The following WWOX variants were observed in gnomAD, a reference collection of about 807,000 sequenced individuals.
WWOX encodes the protein WW domain containing oxidoreductase.
A neutral mutation model predicts 46.2 loss-of-function variants in WWOX; 69 were observed. That is an observed-to-expected ratio of 1.49 (90% confidence interval 1.23 to 1.82). The LOEUF is 1.82. Among genes scored for constraint, WWOX ranks in the 40% most tolerant of loss-of-function variants. WWOX has a pLI of 0.00. For missense variants in WWOX, 919 were observed against 542.6 expected, an observed-to-expected ratio of 1.69 and a Z score of -6.89; for synonymous variants, 359 against 202.6, an observed-to-expected ratio of 1.77 and a Z score of -6.56.
At chr16:78,547,115 G>T (rs769260907) in intron 8 of WWOX, among the ~76,000 whole-genome samples, 2 of 114,342 alleles carry the variant, frequency 1.7e-5, no homozygotes, top group Non-Finnish European at 3.3e-5. Context: ...GAGAGTGTGA[G>T]ACCTTGTCTC....
At chr16:78,472,990 C>T (rs950291640) in intron 8 of WWOX, among the ~76,000 whole-genome samples, 4 of 151,970 alleles carry the variant, frequency 2.6e-5, no homozygotes, top group East Asian at 3.9e-4. Flanking sequence ...GTTTTTGTGC[C>T]GCCTGCAGGA....
chr16:78,503,253 G>C (rs1316835134), intron 8 of WWOX, among the ~76,000 whole-genome samples: 1 of 152,038 alleles, frequency 6.6e-6, no homozygotes. Context: ...CCATCCGCTG[G>C]TAAAATCTGG....
intron 8 of WWOX, among the ~76,000 whole-genome samples, chr16:78,610,791 G>C (rs1330544771): frequency 1.3e-5 from 2 of 152,086 alleles, no homozygotes; most frequent in Admixed American, 1.3e-4. Flanking sequence ...TGGAGGTTTG[G>C]AATGCAGCAA....
intron 8 of WWOX, among the ~76,000 whole-genome samples, chr16:78,854,375 G>C (rs1364333919): frequency 1.3e-5 from 2 of 152,182 alleles, no homozygotes; most frequent in African/African-American, 2.4e-5. Context: ...AGCACCAAAT[G>C]TTTGAAATTA....
chr16:78,367,220 T>A (rs1031968147), intron 5 of WWOX, among the ~76,000 whole-genome samples: 7 of 152,110 alleles, frequency 4.6e-5, no homozygotes, highest in Non-Finnish European at 8.8e-5. Flanking sequence ...ACCTCGTGAT[T>A]CAACTGCCTC....
intron 6 of WWOX, among the ~76,000 whole-genome samples, chr16:78,403,425 T>C (rs184877575): frequency 7.0e-4 from 106 of 152,380 alleles, no homozygotes; most frequent in Admixed American, 1.7e-3. Flanking sequence ...TCCATGATAC[T>C]GCAGAAGTTC....
At chr16:79,206,439 G>A (rs549385588) in intron 8 of WWOX, 3 of 152,200 alleles carry the variant, frequency 2.0e-5, no homozygotes, top group Admixed American at 2.0e-4. Flanking sequence ...TCTGATATCA[G>A]GTAGGCTTCT....
chr16:78,642,923 A>T (rs554158613), intron 8 of WWOX, among the ~76,000 whole-genome samples: 3 of 152,306 alleles, frequency 2.0e-5, no homozygotes, highest in East Asian at 3.9e-4. Context: ...AAATCCTGGG[A>T]TGATAGCTTA....
At chr16:78,966,422 A>G (rs896327391) in intron 8 of WWOX, among the ~76,000 whole-genome samples, 1 of 152,154 alleles carries the variant, frequency 6.6e-6, no homozygotes, top group African/African-American at 2.4e-5. Flanking sequence ...TTTGACCTTA[A>G]CACTAAAATA....
intron 8 of WWOX, among the ~76,000 whole-genome samples, chr16:78,951,203 G>T (rs187702785): frequency 3.0e-4 from 46 of 152,318 alleles, no homozygotes; most frequent in African/African-American, 9.6e-4. Context: ...ATTAAATGGC[G>T]CGGTCATAAT....
chr16:78,614,498 C>G (rs928231870), intron 8 of WWOX, among the ~76,000 whole-genome samples: 4 of 152,234 alleles, frequency 2.6e-5, no homozygotes, highest in Admixed American at 2.6e-4. Flanking sequence ...CCACCCTGTT[C>G]ACGGTGTGTG....
intron 5 of WWOX, among the ~76,000 whole-genome samples, chr16:78,361,382 T>A (rs1159196889): frequency 2.6e-5 from 4 of 152,162 alleles, no homozygotes; most frequent in Non-Finnish European, 4.4e-5. Flanking sequence ...TGTTATTAAT[T>A]TTTCCTTTGA....
At chr16:79,152,156 T>C (rs2050292318) in intron 8 of WWOX, among the ~76,000 whole-genome samples, 1 of 152,344 alleles carries the variant, frequency 6.6e-6, no homozygotes, top group African/African-American at 2.4e-5. Context: ...CTGTCGGCAC[T>C]GCCTTGGAAC....
intron 8 of WWOX, among the ~76,000 whole-genome samples, chr16:78,482,885 T>C (rs1375363258): frequency 6.6e-6 from 1 of 152,156 alleles, no homozygotes; most frequent in East Asian, 1.9e-4. Flanking sequence ...ATACACATGG[T>C]ACAATCTGTT....
At chr16:78,265,296 A>G (rs1407369779) in intron 5 of WWOX, among the ~76,000 whole-genome samples, 2 of 152,072 alleles carry the variant, frequency 1.3e-5, no homozygotes, top group Non-Finnish European at 1.5e-5. Flanking sequence ...CACCCAGCCA[A>G]GAAATTAATT....
intron 8 of WWOX, among the ~76,000 whole-genome samples, chr16:78,651,416 C>G (rs995618000): frequency 6.6e-6 from 1 of 152,178 alleles, no homozygotes; most frequent in Non-Finnish European, 1.5e-5. Context: ...GTGTTTTACT[C>G]TGGCAGGAGA....
At chr16:78,181,829 T>TTA (rs1360769471) in intron 5 of WWOX, among the ~76,000 whole-genome samples, 2 of 152,166 alleles carry the variant, frequency 1.3e-5, no homozygotes, top group Non-Finnish European at 2.9e-5. Flanking sequence ...ATAGATTTTT[T>TTA]TAGAGATAGT....
chr16:79,212,591 CTTGCT>C lies in WWOX; in HGVS notation c.*798_*802del, dbSNP rs772916350. The C allele has an allele frequency of 1.7e-4, 28 of 160,918 alleles. No homozygotes were observed. Among genetic ancestry groups the C allele is most frequent in the Non-Finnish European group, 1.1e-4 (8 of 72,508 alleles). 10.0% of individuals were successfully genotyped at this position (160,918 alleles called of 1,614,324 possible). A position where few individuals can be genotyped will look rare whatever the true frequency, so the allele number is the denominator to read the frequency against. ...GTCTGTCAATCACAGTCTCAGTTCT[CTTGCT>C]TTCACATTGTACTTAAACCTCCTGC... On this transcript the variant is annotated 3_prime_UTR_variant, in exon 9 of 9. Transcript: ENST00000566780.
chr16:78,838,073 G>C (rs1417429942), intron 8 of WWOX, among the ~76,000 whole-genome samples: 1 of 152,136 alleles, frequency 6.6e-6, no homozygotes, highest in Non-Finnish European at 1.5e-5. Flanking sequence ...TTGGCTGTGT[G>C]CCTTCTGCTT....
Sources: gnomAD v4.1 joint callset for allele counts (sites outside exome capture counted in the v4.1 genomes callset) on GRCh38, gnomAD v4.1.1 for gene constraint, MANE v1.5 for transcripts, NCBI Gene and HGNC (gene_info 2026-07-23, HGNC 2026-07-21) for gene names.